The following ATP7B variants were observed in gnomAD, a reference collection of about 807,000 sequenced individuals.
The protein encoded by ATP7B is ATPase copper transporting beta.
A neutral mutation model predicts 118.9 loss-of-function variants in ATP7B; 113 were observed. The observed-to-expected ratio is 0.95, with a 90% CI of 0.82 to 1.11. ATP7B has a LOEUF of 1.11. ATP7B is among the 50% of genes most tolerant of loss of function. ATP7B has a pLI of 0.00. For synonymous variants in ATP7B, 777 were observed against 727.4 expected (o/e 1.07, Z -1.10); for missense variants, 1,867 against 1,871.4 (o/e 1.00, Z 0.04).
At chr13:51,971,441 A>G (rs1951836737) in intron 2 of ATP7B, among the ~76,000 whole-genome samples, 1 of 152,206 alleles carries the variant, frequency 6.6e-6, no homozygotes, top group South Asian at 2.1e-4. Context: ...TGCCCAATTA[A>G]AAAAATCACT....
Position 51,958,388 on chromosome 13 carries a change from G to A in ATP7B, c.2278C>T (p.Pro760Ser). The A allele has an allele frequency of 1.2e-6, 2 of 1,614,202 alleles. No homozygotes were observed. The highest frequency in any genetic ancestry group is 1.7e-6 in the Non-Finnish European group (2 of 1,180,036). Residue 760 changes from proline (P) to serine (S), a missense_variant, in exon 8 of 21, where the codon CCT becomes TCT. Pro to Ser is a moderately conservative substitution (Grantham distance 74). Transcript: ENST00000242839. ...VAVAEKAERS[P>S]VTFFDTPPML... ...GGGGGCGTGTCGAAGAATGTCACAG[G>A]GCTCCTCTCCGCCTTCTCAGCCACA...
In ATP7B at chr13:51,934,388, G is replaced by A; in HGVS notation, c.*368C>T. ...CTGCAGTTCTCTGGAAAGGCCCAGT[G>A]AGGTTTTTTGGTCCTGATGAAACTG... On this transcript the variant is annotated 3_prime_UTR_variant, in exon 21 of 21. Transcript: ENST00000242839. The A allele has an allele frequency of 2.9e-6, 1 of 347,452 alleles. No individual in the cohort carries two copies. 21.5% of individuals were successfully genotyped at this position (347,452 alleles called of 1,614,324 possible). A position where few individuals can be genotyped will look rare whatever the true frequency, so the allele number is the denominator to read the frequency against.
rs1386711112 is a variant in ATP7B, at chr13:51,934,768, C to A, written c.4386G>T (p.Glu1462Asp). 1 of 1,613,846 alleles carries A rather than the reference C, an allele frequency of 6.2e-7. No individual in the cohort carries two copies. The highest frequency in any genetic ancestry group is 2.2e-5 in the East Asian group (1 of 44,884). The change falls in exon 21 of 21, where the codon GAG becomes GAT. Residue 1462 changes from glutamate to aspartate, a missense_variant. Physicochemically the swap from Glu to Asp is conservative, Grantham distance 45. Transcript: ENST00000242839. ...WSLLLNGRDE[E>D]QYI ...CTGCCTGAAGTCATCAGATGTACTG[C>A]TCCTCATCCCTGCCATTCAGGAGCA...
chr13:51,950,234 G>T (rs955072547), intron 10 of ATP7B, 38 bp downstream of exon 10: 1 of 1,614,028 alleles, frequency 6.2e-7, no homozygotes, highest in African/African-American at 1.3e-5. Flanking sequence ...CAGCTGCTAT[G>T]ATATCCTCCT....
Position 51,958,539 on chromosome 13 carries a change from G to T in ATP7B, c.2127C>A (p.Leu709=), listed in dbSNP as rs780843377. ...CCTGAACGTAGAAGTACCACCCACC[G>T]AGGAGCTGAAAGACAAGGACAGTGA... ...FFILCTFVQL[L]GGWYFYVQAY... The change falls in exon 8 of 21, where the codon CTC becomes CTA. Residue 709 remains leucine (L), a synonymous_variant. Transcript: ENST00000242839. 6.2e-7 allele frequency: 1 copy of T among 1,613,998 alleles called. No homozygotes were observed. Among genetic ancestry groups the T allele is most frequent in the Non-Finnish European group, 8.5e-7 (1 of 1,179,878 alleles).
chr13:51,955,849 T>G lies in ATP7B; in HGVS notation c.2447+1667A>C, dbSNP rs191756448. 2.0e-5 allele frequency among the ~76,000 whole-genome samples: 3 copies of G among 151,740 alleles called. No homozygotes were observed. In the South Asian group the frequency reaches 6.2e-4, roughly 32 times the overall value. ...ACCCATGGCACAGCAGAGCCCAGCATGCCAGGTGCCGTCACACAGGGTCCT... is the reference window on the plus strand; with the variant it reads ...ACCCATGGCACAGCAGAGCCCAGCAGGCCAGGTGCCGTCACACAGGGTCCT... On this transcript the variant is annotated intron_variant, in intron 9 of 20. Transcript: ENST00000242839.
chr13:51,987,311 A>G (rs941629888), intron 1 of ATP7B, among the ~76,000 whole-genome samples: 1 of 152,238 alleles, frequency 6.6e-6, no homozygotes, highest in Non-Finnish European at 1.5e-5. Flanking sequence ...CCCATTCACA[A>G]TTGCTACAAA....
At chr13:51,958,578 G>A in intron 7 of ATP7B, 34 bp from the exon 8 acceptor site, 1 of 1,590,356 alleles carries the variant, frequency 6.3e-7, no homozygotes, top group South Asian at 1.1e-5. Flanking sequence ...CTGCCAGCAA[G>A]TAGGGAGGAG....
rs78021873 is a variant in ATP7B at position 51,960,021 on chromosome 13, G to T, written c.2121+127C>A. The T allele has an allele frequency of 0.013, 17,614 of 1,315,104 alleles. 516 individuals carry two copies. The highest frequency in any genetic ancestry group is 0.12 in the Admixed American group (6,224 of 53,088). 81.5% of individuals were successfully genotyped at this position (1,315,104 alleles called of 1,614,324 possible). A position where few individuals can be genotyped will look rare whatever the true frequency, so the allele number is the denominator to read the frequency against. On this transcript the variant is annotated intron_variant, in intron 7 of 20. Coordinates refer to ENST00000242839, the MANE Select transcript of ATP7B (RefSeq NM_000053.4). ...AAAAAGCAGCAACTGCCTGGGTGGG[G>T]CAGGAAAGCTGCAATAAAGTGCCAT...
intron 4 of ATP7B, chr13:51,967,158 T>C (rs926492872): frequency 3.1e-5 from 49 of 1,576,650 alleles, no homozygotes; most frequent in Non-Finnish European, 4.0e-5. Context: ...AAAAATTCCA[T>C]CATCACTTTG....
chr13:51,967,743 CATTCA>C (rs1337050361), intron 4 of ATP7B, among the ~76,000 whole-genome samples: 3 of 152,252 alleles, frequency 2.0e-5, no homozygotes, highest in Non-Finnish European at 4.4e-5. Flanking sequence ...AAAGCAGCAT[CATTCA>C]ATTCTCTGTG....
In ATP7B at chr13:51,967,145, A is replaced by G. The variant is rs1951592757; in HGVS notation, c.1707+1299T>C. 2.5e-6 allele frequency: 4 copies of G among 1,585,848 alleles called. No homozygotes were observed. In the Admixed American group the frequency reaches 6.7e-5, roughly 26 times the overall value. On this transcript the variant is annotated intron_variant, in intron 4 of 20. Transcript: ENST00000242839. ...TGTACTCGGATCTATGAAAAAGTAGAATAAAAATTCCATCATCACTTTGGA... is the reference window on the plus strand; with the variant it reads ...TGTACTCGGATCTATGAAAAAGTAGGATAAAAATTCCATCATCACTTTGGA...
rs190160971 is a variant in ATP7B, at chr13:51,983,896, G to A, written c.52-8728C>T. Among the ~76,000 whole-genome samples the A allele has an allele frequency of 3.6e-3, 550 of 152,160 alleles. 4 individuals carry two copies. The highest frequency in any genetic ancestry group is 0.01 in the Middle Eastern group (3 of 294). On this transcript the variant is annotated intron_variant, in intron 1 of 20. Transcript: ENST00000242839. ...ACAAAAAGGACGTCCACTCAGAAAC[G>A]CCATCCGAAGGTCACCAACATCAAA...
At chr13:51,989,458 C>T (rs1021768275) in intron 1 of ATP7B, among the ~76,000 whole-genome samples, 1 of 151,840 alleles carries the variant, frequency 6.6e-6, no homozygotes, top group Admixed American at 6.6e-5. Context: ...TGCCTATTTG[C>T]TTCTCTCAAC....
intron 16 of ATP7B, 61 bp downstream of exon 16, chr13:51,941,020 C>G: frequency 6.2e-7 from 1 of 1,609,380 alleles, no homozygotes; most frequent in Non-Finnish European, 8.5e-7. Context: ...ACTCTTTTGC[C>G]TGATATCTGC....
chr13:51,991,343 C>T (rs1391373878), intron 1 of ATP7B, among the ~76,000 whole-genome samples: 2 of 151,960 alleles, frequency 1.3e-5, no homozygotes. Context: ...AAAACAGCAG[C>T]CAGTGTGCAC....
intron 1 of ATP7B, among the ~76,000 whole-genome samples, chr13:51,998,351 G>A (rs1953321271): frequency 6.6e-6 from 1 of 152,178 alleles, no homozygotes; most frequent in South Asian, 2.1e-4. Flanking sequence ...GCTGCCCACA[G>A]ACCTAACATG....
chr13:51,977,338 C>A (rs1490458014), intron 1 of ATP7B, among the ~76,000 whole-genome samples: 1 of 151,830 alleles, frequency 6.6e-6, no homozygotes, highest in Non-Finnish European at 1.5e-5. Context: ...ATCCTATAAG[C>A]TTTTAAAATT....
chr13:51,982,862 A>C (rs1952485765), intron 1 of ATP7B, among the ~76,000 whole-genome samples: 1 of 152,212 alleles, frequency 6.6e-6, no homozygotes, highest in South Asian at 2.1e-4. Flanking sequence ...CTGTGCCATG[A>C]GGAATGGTGC....
Sources: allele counts gnomAD v4.1 joint callset (sites outside exome capture counted in the v4.1 genomes callset), GRCh38; gene constraint gnomAD v4.1.1; transcripts MANE v1.5; gene names NCBI Gene and HGNC (gene_info 2026-07-23, HGNC 2026-07-21).